Variants in EIF3K observed in about 807,000 individuals in gnomAD.
EIF3K encodes eukaryotic translation initiation factor 3 subunit K, also known as eIF-3 p28.
In EIF3K, 27 loss-of-function variants were observed where a neutral mutation model predicts 34.2. The observed-to-expected ratio is 0.79, with a 90% CI of 0.58 to 1.09. The LOEUF is 1.09. EIF3K is among the 50% of genes least tolerant of loss of function. The pLI is 0.00. For missense variants in EIF3K, 232 were observed against 275.4 expected (o/e 0.84, Z 1.11); for synonymous variants, 105 against 105.7 (o/e 0.99, Z 0.04).
In EIF3K at chr19:38,619,279, T is replaced by C. The variant is rs769764967; in HGVS notation, c.11T>C (p.Phe4Ser). The C allele has an allele frequency of 1.2e-6, 2 of 1,614,060 alleles. No individual in the cohort carries two copies. Among genetic ancestry groups the C allele is most frequent in the Non-Finnish European group, 1.7e-6 (2 of 1,179,942 alleles). MAMFEQMRANVGKL... is the reference protein window; with the variant it reads MAMSEQMRANVGKL... ...AAGGCGACAGAAGTCATGGCGATGT[T>C]TGAGCAGATGAGAGCCAACGTGGGC... The change falls in exon 1 of 8, where the codon TTT becomes TCT. Residue 4 changes from phenylalanine to serine, a missense_variant. Physicochemically the swap from Phe to Ser is radical, Grantham distance 155. Coordinates refer to ENST00000248342, the MANE Select transcript of EIF3K (RefSeq NM_013234.4).
chr19:38,629,453 G>T (rs561092641), intron 4 of EIF3K, among the ~76,000 whole-genome samples: 2 of 152,066 alleles, frequency 1.3e-5, no homozygotes, highest in Non-Finnish European at 2.9e-5. Flanking sequence ...ACGCCAACAC[G>T]CCTGGCTAAT....
intron 4 of EIF3K, chr19:38,628,707 C>G (rs1975998885): frequency 6.6e-6 from 1 of 152,310 alleles, no homozygotes; most frequent in Non-Finnish European, 1.5e-5. Flanking sequence ...GCCTGTAATC[C>G]CAGCTACTCG....
In EIF3K at chr19:38,635,276, C is replaced by T. The variant is rs77878249; in HGVS notation, c.625+158C>T. 1,268 of 1,059,168 alleles carry T rather than the reference C, an allele frequency of 1.2e-3. 6 individuals are homozygous for T. In the African/African-American group the frequency reaches 0.017, roughly 14 times the overall value. The allele number at this position is 1,059,168 out of a possible 1,614,324, so 65.6% of individuals were successfully genotyped here. ...CATTCACCTTGTGTCTTGGGGCTCCCGCCCAGGAGGAATAGCGGGGAGCTG... is the reference window on the plus strand; with the variant it reads ...CATTCACCTTGTGTCTTGGGGCTCCTGCCCAGGAGGAATAGCGGGGAGCTG... On this transcript the variant is annotated intron_variant, in intron 7 of 7. Coordinates refer to ENST00000248342, the MANE Select transcript of EIF3K (RefSeq NM_013234.4).
intron 4 of EIF3K, among the ~76,000 whole-genome samples, chr19:38,631,420 A>G (rs909541520): frequency 3.3e-5 from 5 of 152,222 alleles, no homozygotes; most frequent in Admixed American, 6.5e-5. Context: ...ATCATAAACA[A>G]GGTAAAGAAT....
At chr19:38,627,949 G>T (rs1482925058) in intron 4 of EIF3K, among the ~76,000 whole-genome samples, 1 of 147,522 alleles carries the variant, frequency 6.8e-6, no homozygotes, top group East Asian at 2.0e-4. Context: ...GTGTCACCCA[G>T]GCTGGAATGC....
At chr19:38,627,675 C>G (rs976566185) in intron 4 of EIF3K, among the ~76,000 whole-genome samples, 2 of 136,330 alleles carry the variant, frequency 1.5e-5, no homozygotes, top group Non-Finnish European at 3.2e-5. Context: ...GACTCCGTCT[C>G]AAAAAAAAAA....
intron 6 of EIF3K, among the ~76,000 whole-genome samples, chr19:38,634,692 T>C (rs1029598988): frequency 1.3e-5 from 2 of 152,148 alleles, no homozygotes; most frequent in African/African-American, 4.8e-5. Flanking sequence ...ATAAATACGC[T>C]GCTCTTGTTA....
intron 4 of EIF3K, among the ~76,000 whole-genome samples, chr19:38,629,039 T>G (rs1976006328): frequency 6.6e-6 from 1 of 152,220 alleles, no homozygotes; most frequent in Non-Finnish European, 1.5e-5. Flanking sequence ...TGACATTTTA[T>G]GTGCAGCTGA....
At chr19:38,622,975 T>C (rs943295715) in intron 2 of EIF3K, among the ~76,000 whole-genome samples, 1 of 152,206 alleles carries the variant, frequency 6.6e-6, no homozygotes, top group Non-Finnish European at 1.5e-5. Context: ...GGTGCCCACA[T>C]TTCATATTGC....
intron 2 of EIF3K, among the ~76,000 whole-genome samples, chr19:38,621,287 G>C (rs1265416034): frequency 6.6e-6 from 1 of 150,980 alleles, no homozygotes; most frequent in Admixed American, 6.6e-5. Context: ...GTGGCGCATG[G>C]CTGTAGTCCC....
intron 2 of EIF3K, among the ~76,000 whole-genome samples, chr19:38,622,696 C>T (rs1975867837): frequency 1.3e-5 from 2 of 152,220 alleles, no homozygotes; most frequent in African/African-American, 4.8e-5. Flanking sequence ...CCTGGGAACG[C>T]TATGGGAGAC....
intron 2 of EIF3K, among the ~76,000 whole-genome samples, chr19:38,622,617 G>A (rs1975865952): frequency 6.6e-6 from 1 of 152,232 alleles, no homozygotes; most frequent in Non-Finnish European, 1.5e-5. Context: ...ATCTTATCAG[G>A]AGACAGGGTT....
At chr19:38,620,221 T>C (rs1975809017) in intron 1 of EIF3K, 116 bp from the exon 2 acceptor site, 2 of 775,816 alleles carry the variant, frequency 2.6e-6, no homozygotes, top group Non-Finnish European at 4.4e-6. Context: ...AAGTGGCCAG[T>C]GCCAGATTTA....
Position 38,627,761 on chromosome 19 carries a change from G to C in EIF3K, c.354+1659G>C, listed in dbSNP as rs192929057. Among the ~76,000 whole-genome samples the C allele has an allele frequency of 1.1e-3, 174 of 151,916 alleles. 4 individuals are homozygous for C. The South Asian group carries it at 0.023, about 20-fold the overall frequency. ...TTAGACGCTTAGAAAGTAACACAGAGGATCCTTTGACCACCCAGACCTCTG... is the reference window on the plus strand; with the variant it reads ...TTAGACGCTTAGAAAGTAACACAGACGATCCTTTGACCACCCAGACCTCTG... On this transcript the variant is annotated intron_variant, in intron 4 of 7. Coordinates refer to ENST00000248342, the MANE Select transcript of EIF3K (RefSeq NM_013234.4).
At chr19:38,624,246 T>A in intron 3 of EIF3K, 49 bp downstream of exon 3, 1 of 1,610,794 alleles carries the variant, frequency 6.2e-7, no homozygotes, top group South Asian at 1.1e-5. Context: ...GGGGTCAGAG[T>A]CAAGGTGCAT....
chr19:38,628,356 C>T (rs1432257465), intron 4 of EIF3K: 1 of 152,316 alleles, frequency 6.6e-6, no homozygotes. Context: ...ACTGCCGTCA[C>T]CAATAATGGC....
intron 4 of EIF3K, among the ~76,000 whole-genome samples, chr19:38,626,799 T>C (rs901979250): frequency 2.0e-5 from 3 of 151,976 alleles, no homozygotes; most frequent in Non-Finnish European, 4.4e-5. Context: ...TTGTTGTTTT[T>C]TGTTTGTTTG....
rs11667900 is a variant in EIF3K, at chr19:38,624,667, G to A, written c.279+470G>A. Among the ~76,000 whole-genome samples, 16 of 152,118 alleles carry A rather than the reference G, an allele frequency of 1.1e-4. 1 individual carries two copies. Among genetic ancestry groups the A allele is most frequent in the Non-Finnish European group, 2.1e-4 (14 of 68,044 alleles). On this transcript the variant is annotated intron_variant, in intron 3 of 7. Transcript: ENST00000248342. ...GCAGGAGGATCACTTGAAGCTGGGA[G>A]ATGGAGGTTGCAGTGAGCCGAGATT...
In EIF3K at chr19:38,635,134, C is replaced by T. The variant is rs144872834; in HGVS notation, c.625+16C>T. The T allele has an allele frequency of 1.2e-5, 19 of 1,614,086 alleles. No individual in the cohort carries two copies. The African/African-American group carries it at 1.2e-4, about 10-fold the overall frequency. ...GACTTTGACAGTGAGTGGTGACCCACGGCCTCGGGCTTTGGGGCTAAGGGG... is the reference window on the plus strand; with the variant it reads ...GACTTTGACAGTGAGTGGTGACCCATGGCCTCGGGCTTTGGGGCTAAGGGG... On this transcript the variant is annotated intron_variant, in intron 7 of 7. Coordinates refer to ENST00000248342, the MANE Select transcript of EIF3K (RefSeq NM_013234.4).
Sources: gnomAD v4.1 joint callset for allele counts (sites outside exome capture counted in the v4.1 genomes callset) on GRCh38, gnomAD v4.1.1 for gene constraint, MANE v1.5 for transcripts, NCBI Gene and HGNC (gene_info 2026-07-23, HGNC 2026-07-21) for gene names.